The following AHNAK variants were observed in gnomAD, a reference collection of about 807,000 sequenced individuals.
AHNAK encodes AHNAK nucleoprotein.
In AHNAK, 23 loss-of-function variants were observed where a neutral mutation model predicts 37.8. That is an observed-to-expected ratio of 0.61 (90% CI 0.44 to 0.86). AHNAK has a LOEUF of 0.86. AHNAK is among the 40% of genes least tolerant of loss of function. The pLI, the probability that AHNAK is intolerant of heterozygous loss-of-function variation, is 0.00. For synonymous variants in AHNAK, 2,481 were observed against 2,636.3 expected, an observed-to-expected ratio of 0.94 and a Z score of 1.80; for missense variants, 7,411 against 7,319.4, an observed-to-expected ratio of 1.01 and a Z score of -0.46.
intron 4 of AHNAK, among the ~76,000 whole-genome samples, chr11:62,501,213 C>T (rs978585812): frequency 1.3e-5 from 2 of 150,726 alleles, no homozygotes; most frequent in Non-Finnish European, 3.0e-5. Context: ...AAAAAAAAAA[C>T]AATTTTATCC....
At position 62,525,222 on chromosome 11, in the gene AHNAK, C is replaced by T. The variant is rs745614821; in HGVS notation, c.9195G>A (p.Val3065=). 6.2e-7 allele frequency: 1 copy of T among 1,606,766 alleles called. No individual in the cohort carries two copies. Among genetic ancestry groups the T allele is most frequent in the Non-Finnish European group, 8.5e-7 (1 of 1,177,896 alleles). Reference sequence around the variant, plus strand: ...ACTTTCCCTCTGGGCCTTCGATATTCACATCTGGAACATCAATGTCCACCT... The same window carrying T: ...ACTTTCCCTCTGGGCCTTCGATATTTACATCTGGAACATCAATGTCCACCT... ...GPKVDIDVPD[V]NIEGPEGKLK... The change falls in exon 5 of 5, where the codon GTG becomes GTA. Residue 3065 remains valine, a synonymous_variant. Coordinates refer to ENST00000378024, the MANE Select transcript of AHNAK (RefSeq NM_001620.3).
intron 5 of AHNAK, among the ~76,000 whole-genome samples, chr11:62,442,254 A>G (rs947758778): frequency 2.0e-5 from 3 of 152,116 alleles, no homozygotes; most frequent in African/African-American, 4.8e-5. Flanking sequence ...TTCAAAATAA[A>G]TCTCTTTAGG....
chr11:62,519,601 C>T lies in AHNAK; in HGVS notation c.14816G>A (p.Gly4939Asp), dbSNP rs1293746421. Residue 4939 changes from glycine to aspartate, a missense_variant, in exon 5 of 5, where the codon GGT becomes GAT. Gly to Asp is a moderately conservative substitution (Grantham distance 94, BLOSUM62 -1). Coordinates refer to ENST00000378024, the MANE Select transcript of AHNAK (RefSeq NM_001620.3). ...GGGTCCCTTGAGGTCCACTTCACCACCTTCTAACTTCGGACCTGAAAATCC... is the reference window on the plus strand; with the variant it reads ...GGGTCCCTTGAGGTCCACTTCACCATCTTCTAACTTCGGACCTGAAAATCC... ...KIGFSGPKLE[G>D]GEVDLKGPKV... is the part of the protein sequence containing the mutation. 1 of 1,613,548 alleles carries T rather than the reference C, an allele frequency of 6.2e-7. No individual in the cohort carries two copies. The highest frequency in any genetic ancestry group is 1.1e-5 in the South Asian group (1 of 90,938).
chr11:62,491,475 C>T (rs920576036), intron 5 of AHNAK, among the ~76,000 whole-genome samples: 2 of 152,110 alleles, frequency 1.3e-5, no homozygotes, highest in Non-Finnish European at 2.9e-5. Context: ...TATGAAGAAA[C>T]GCTTGAGACT....
In AHNAK at chr11:62,532,475, C is replaced by T. The variant is rs1463721436; in HGVS notation, c.1942G>A (p.Val648Ile). The T allele has an allele frequency of 1.2e-6, 2 of 1,613,948 alleles. No individual in the cohort carries two copies. Among genetic ancestry groups the T allele is most frequent in the African/African-American group, 1.3e-5 (1 of 74,866 alleles). ...TCTCCTTTGGGTAGAGTCATATGAACATCTGGACCTTCCCCTTTGGCTCCT... is the reference window on the plus strand; with the variant it reads ...TCTCCTTTGGGTAGAGTCATATGAATATCTGGACCTTCCCCTTTGGCTCCT... ...TPGAKGEGPD[V>I]HMTLPKGDIS... The change falls in exon 5 of 5, where the codon GTT becomes ATT. Residue 648 changes from valine to isoleucine, a missense_variant. Physicochemically the swap from Val to Ile is conservative, Grantham distance 29. Coordinates refer to ENST00000378024, the MANE Select transcript of AHNAK (RefSeq NM_001620.3).
intron 5 of AHNAK, among the ~76,000 whole-genome samples, chr11:62,465,448 A>G (rs77293964): frequency 1.6e-4 from 25 of 152,028 alleles, no homozygotes; most frequent in African/African-American, 5.3e-4. Flanking sequence ...CCCCGTCTCT[A>G]CTAAAAATAC....
In AHNAK at chr11:62,537,912, G is replaced by A. The variant is rs562616300; in HGVS notation, c.-99-1345C>T. Among the ~76,000 whole-genome samples the A allele has an allele frequency of 2.0e-4, 30 of 152,192 alleles. 1 individual carries two copies. Among genetic ancestry groups the A allele is most frequent in the East Asian group, 1.7e-3 (9 of 5,164 alleles). Reference sequence around the variant, plus strand: ...TTAGCCAGGCTTGTCTTGAACTCCTGACCCTGTGATCCACCCGCCTTGGCC... The same window carrying A: ...TTAGCCAGGCTTGTCTTGAACTCCTAACCCTGTGATCCACCCGCCTTGGCC... On this transcript the variant is annotated intron_variant, in intron 1 of 4. Transcript: ENST00000378024.
At position 62,524,330 on chromosome 11, in the gene AHNAK, T is replaced by G. The variant is rs1565232274; in HGVS notation, c.10087A>C (p.Lys3363Gln). The G allele has an allele frequency of 1.2e-6, 2 of 1,613,684 alleles. No individual in the cohort carries two copies. Among genetic ancestry groups the G allele is most frequent in the East Asian group, 4.5e-5 (2 of 44,886 alleles). ...ACATCCACTTCAGGTGTCTGAACTT[T>G]AGAGCCCGAAAAATTAAATTTGGGA... The part of the protein sequence containing the change: ...KLPKFNFSGS[K>Q]VQTPEVDVKG... Residue 3363 changes from lysine to glutamine, a missense_variant, in exon 5 of 5, where the codon AAA becomes CAA. By Grantham distance (53) the Lys-to-Gln change is moderately conservative. Transcript: ENST00000378024.
chr11:62,462,389 C>T (rs1938811971), intron 5 of AHNAK, among the ~76,000 whole-genome samples: 1 of 152,196 alleles, frequency 6.6e-6, no homozygotes, highest in African/African-American at 2.4e-5. Flanking sequence ...GAACTGGAAA[C>T]TACTGAAGAC....
chr11:62,530,966 G>A lies in AHNAK; in HGVS notation c.3451C>T (p.Pro1151Ser). The change falls in exon 5 of 5, where the codon CCT becomes TCT. Residue 1151 changes from proline (P) to serine (S), a missense_variant. Physicochemically the swap from Pro to Ser is moderately conservative, Grantham distance 74. Transcript: ENST00000378024. The part of the protein sequence containing the change: ...GEGPEVDVNL[P>S]KADVVVSGPK... Reference sequence around the variant, plus strand: ...CCTGAGACAACAACGTCAGCCTTAGGCAAGTTCACATCCACTTCTGGGCCC... The same window carrying A: ...CCTGAGACAACAACGTCAGCCTTAGACAAGTTCACATCCACTTCTGGGCCC... 6.2e-7 allele frequency: 1 copy of A among 1,613,902 alleles called. No homozygotes were observed. Among genetic ancestry groups the A allele is most frequent in the Non-Finnish European group, 8.5e-7 (1 of 1,180,008 alleles).
chr11:62,446,198 C>T lies in AHNAK; in HGVS notation c.443-12307G>A, dbSNP rs574595881. Among the ~76,000 whole-genome samples, 95 of 152,158 alleles carry T rather than the reference C, an allele frequency of 6.2e-4. 1 individual carries two copies. In the South Asian group the frequency reaches 0.018, roughly 30 times the overall value. On this transcript the variant is annotated intron_variant, in intron 5 of 5. Transcript: ENST00000257247. ...GAAGAGCTGCCAACCCACCCCTCTG[C>T]AGATGAGGTCACAGGCTCGGAGGGC... is the stretch of plus-strand genomic sequence containing the variant.
At chr11:62,435,421 T>C (rs34923203) in intron 5 of AHNAK, among the ~76,000 whole-genome samples, 7,544 of 152,202 alleles carry the variant, frequency 0.05, 630 homozygotes, top group African/African-American at 0.17. Flanking sequence ...TATCTTTTTT[T>C]TTTCTTTTTG....
chr11:62,489,649 C>T (rs942942984), intron 5 of AHNAK, among the ~76,000 whole-genome samples: 1 of 151,686 alleles, frequency 6.6e-6, no homozygotes, highest in Admixed American at 6.6e-5. Context: ...ACGGTAAGGA[C>T]GGGGATGGAG....
Position 62,521,467 on chromosome 11 carries a change from G to A in AHNAK, c.12950C>T (p.Pro4317Leu), listed in dbSNP as rs149204107. Residue 4317 changes from proline to leucine, a missense_variant, in exon 5 of 5, where the codon CCC becomes CTC. By Grantham distance (98) the Pro-to-Leu change is moderately conservative. Transcript: ENST00000378024. Reference sequence around the variant, plus strand: ...GCTGAATTTGGGCATTTTCACCTTGGGCATCTTCAGGTGCCAGTCTGGGCC... The same window carrying A: ...GCTGAATTTGGGCATTTTCACCTTGAGCATCTTCAGGTGCCAGTCTGGGCC... ...VHGPDWHLKM[P>L]KVKMPKFSMP... The A allele has an allele frequency of 1.2e-6, 2 of 1,612,612 alleles. No homozygotes were observed. Among genetic ancestry groups the A allele is most frequent in the South Asian group, 1.1e-5 (1 of 91,014 alleles).
Position 62,532,378 on chromosome 11 carries a change from A to G in AHNAK, c.2039T>C (p.Leu680Pro). The change falls in exon 5 of 5, where the codon CTT (leucine) becomes CCT (proline). Residue 680 changes from leucine to proline, a missense_variant. By Grantham distance (98) the Leu-to-Pro change is moderately conservative (BLOSUM62 -3). Coordinates refer to ENST00000378024, the MANE Select transcript of AHNAK (RefSeq NM_001620.3). ...DVNLEGLGGK[L>P]KGPDVKLPDM... ...AGGCAGCTTAACATCGGGGCCTTTA[A>G]GTTTTCCCCCCAGACCCTCCAAGTT... The G allele has an allele frequency of 6.2e-7, 1 of 1,614,092 alleles. No homozygotes were observed. The highest frequency in any genetic ancestry group is 8.5e-7 in the Non-Finnish European group (1 of 1,180,014).
chr11:62,437,058 G>T (rs1938187826), intron 5 of AHNAK, among the ~76,000 whole-genome samples: 1 of 151,940 alleles, frequency 6.6e-6, no homozygotes, highest in Non-Finnish European at 1.5e-5. Context: ...GCCACATAAG[G>T]AATATTTCCA....
At position 62,531,848 on chromosome 11, in the gene AHNAK, C is replaced by T. The variant is rs773932572; in HGVS notation, c.2569G>A (p.Ala857Thr). Reference sequence around the variant, plus strand: ...TCTGGGACATCAATGTCCATTTTGGCACTTTTAAGTTCAACATCAGGAACT... The same window carrying T: ...TCTGGGACATCAATGTCCATTTTGGTACTTTTAAGTTCAACATCAGGAACT... Reference protein sequence around the residue: ...IKVPDVELKSAKMDIDVPDVE... With the variant: ...IKVPDVELKSTKMDIDVPDVE... Residue 857 changes from alanine (A) to threonine (T), a missense_variant, in exon 5 of 5, where the codon GCC (alanine) becomes ACC (threonine). Physicochemically the swap from Ala to Thr is moderately conservative, Grantham distance 58. Coordinates refer to ENST00000378024, the MANE Select transcript of AHNAK (RefSeq NM_001620.3). 1.9e-6 allele frequency: 3 copies of T among 1,612,624 alleles called. No individual in the cohort carries two copies. Among genetic ancestry groups the T allele is most frequent in the Non-Finnish European group, 2.5e-6 (3 of 1,179,706 alleles).
Position 62,532,380 on chromosome 11 carries a change from T to G in AHNAK, c.2037A>C (p.Lys679Asn). The stretch of plus-strand genomic sequence containing the variant: ...GCAGCTTAACATCGGGGCCTTTAAG[T>G]TTTCCCCCCAGACCCTCCAAGTTGA... ...PDVNLEGLGGKLKGPDVKLPD... is the reference protein window; with the variant it reads ...PDVNLEGLGGNLKGPDVKLPD... The change falls in exon 5 of 5, where the codon AAA (lysine) becomes AAC (asparagine). Residue 679 changes from lysine (K) to asparagine (N), a missense_variant. Physicochemically the swap from Lys to Asn is moderately conservative, Grantham distance 94 (BLOSUM62 0). Transcript: ENST00000378024. 2.5e-6 allele frequency: 4 copies of G among 1,614,088 alleles called. No homozygotes were observed. The highest frequency in any genetic ancestry group is 3.4e-6 in the Non-Finnish European group (4 of 1,180,016).
chr11:62,518,346 G>A lies in AHNAK; in HGVS notation c.16071C>T (p.Asn5357=), dbSNP rs137898001. Residue 5357 remains asparagine (N), a synonymous_variant, in exon 5 of 5, where the codon AAC becomes AAT. Coordinates refer to ENST00000378024, the MANE Select transcript of AHNAK (RefSeq NM_001620.3). Reference sequence around the variant, plus strand: ...TCAGTGTCACATCTGGTGCCCCAACGTTAAGCTTTGTTGTGGCATCGATCC... The same window carrying A: ...TCAGTGTCACATCTGGTGCCCCAACATTAAGCTTTGTTGTGGCATCGATCC... The part of the protein sequence containing the change: ...VPGIDATTKL[N]VGAPDVTLRG... 366 of 1,614,106 alleles carry A rather than the reference G, an allele frequency of 2.3e-4. No individual in the cohort carries two copies. The highest frequency in any genetic ancestry group is 2.7e-4 in the Admixed American group (16 of 60,012).
Sources: allele counts gnomAD v4.1 joint callset (sites outside exome capture counted in the v4.1 genomes callset), GRCh38; gene constraint gnomAD v4.1.1; transcripts MANE v1.5; gene names NCBI Gene and HGNC (gene_info 2026-07-23, HGNC 2026-07-21).